Variants in KIF21A observed in about 807,000 individuals in gnomAD.
KIF21A encodes kinesin-like protein KIF21A.
Under a neutral mutation model 202.9 loss-of-function variants are expected in KIF21A, and 114 were observed. The observed-to-expected ratio is 0.56, with a 90% CI of 0.48 to 0.66. The LOEUF is 0.66. Among genes scored for constraint, KIF21A ranks in the 30% least tolerant of loss-of-function variants. The pLI is 0.00. For missense variants in KIF21A, 1,677 were observed against 1,994.9 expected (o/e 0.84, Z 3.04); for synonymous variants, 667 against 670.8 (o/e 0.99, Z 0.09).
intron 1 of KIF21A, among the ~76,000 whole-genome samples, chr12:39,436,469 G>T (rs1432420414): frequency 3.3e-5 from 3 of 92,190 alleles, no homozygotes; most frequent in East Asian, 3.9e-4. Flanking sequence ...TTTTAGACAG[G>T]GTTTCATGTT....
At chr12:39,368,103 A>G (rs1949720603) in intron 3 of KIF21A, 71 bp from the exon 4 acceptor site, 1 of 909,998 alleles carries the variant, frequency 1.1e-6, no homozygotes, top group Non-Finnish European at 1.8e-6. Context: ...AACACATTAC[A>G]TAATGATTCC....
intron 10 of KIF21A, among the ~76,000 whole-genome samples, chr12:39,355,550 G>A (rs970830099): frequency 4.0e-5 from 6 of 151,626 alleles, no homozygotes; most frequent in Non-Finnish European, 7.4e-5. Context: ...TGGGGTCAAC[G>A]AAATCAGGAA....
At chr12:39,393,657 AAACT>A (rs1272299615) in intron 1 of KIF21A, among the ~76,000 whole-genome samples, 1 of 152,234 alleles carries the variant, frequency 6.6e-6, no homozygotes, top group African/African-American at 2.4e-5. Flanking sequence ...AGTCAGTATT[AAACT>A]AACTGAGGCA....
At chr12:39,374,168 C>T (rs1334322650) in intron 1 of KIF21A, among the ~76,000 whole-genome samples, 1 of 152,164 alleles carries the variant, frequency 6.6e-6, no homozygotes, top group African/African-American at 2.4e-5. Flanking sequence ...AGCCAGTTCA[C>T]CTGCTTTATA....
chr12:39,307,739 TACAA>T lies in KIF21A; in HGVS notation c.4278-14_4278-11del. On this transcript the variant is annotated splice_polypyrimidine_tract_variant and intron_variant, in intron 33 of 37. Transcript: ENST00000361418. ...AACTTGACCTGAAGACCTTAAGAGA[TACAA>T]ACAAAGCAAAAAAGTCACACTTCTG... The T allele has an allele frequency of 6.2e-7, 1 of 1,613,258 alleles. No homozygotes were observed. The highest frequency in any genetic ancestry group is 8.5e-7 in the Non-Finnish European group (1 of 1,179,522).
intron 34 of KIF21A, among the ~76,000 whole-genome samples, chr12:39,305,243 G>C (rs1023170390): frequency 4.0e-5 from 6 of 151,696 alleles, no homozygotes; most frequent in African/African-American, 1.5e-4. Context: ...GTGGGTGCCT[G>C]TACTCCCAGC....
intron 1 of KIF21A, among the ~76,000 whole-genome samples, chr12:39,370,515 T>C (rs1488904509): frequency 6.6e-6 from 1 of 152,156 alleles, no homozygotes; most frequent in Non-Finnish European, 1.5e-5. Flanking sequence ...ATCTTAAAAT[T>C]AGATACTTAC....
chr12:39,304,653 C>A (rs980460521), intron 35 of KIF21A, among the ~76,000 whole-genome samples, 168 bp downstream of exon 35: 1 of 151,672 alleles, frequency 6.6e-6, no homozygotes, highest in East Asian at 1.9e-4. Flanking sequence ...CATGATTGAA[C>A]AATAAGACAA....
At chr12:39,384,693 T>G (rs1950831250) in intron 1 of KIF21A, among the ~76,000 whole-genome samples, 1 of 152,188 alleles carries the variant, frequency 6.6e-6, no homozygotes, top group Non-Finnish European at 1.5e-5. Flanking sequence ...TTTTACTATC[T>G]CACAGTGTCT....
intron 7 of KIF21A, 86 bp from the exon 8 acceptor site, chr12:39,358,459 T>C: frequency 1.6e-6 from 2 of 1,217,190 alleles, no homozygotes; most frequent in Non-Finnish European, 2.4e-6. Context: ...AACATTTGAA[T>C]AGTATCTTCT....
chr12:39,406,689 A>G (rs527737045), intron 1 of KIF21A, among the ~76,000 whole-genome samples: 37 of 152,166 alleles, frequency 2.4e-4, no homozygotes, highest in Non-Finnish European at 4.1e-4. Flanking sequence ...TGGCTTCACC[A>G]TGTTAATTCA....
At position 39,330,758 on chromosome 12, in the gene KIF21A, G is replaced by C; in HGVS notation, c.3307C>G (p.His1103Asp). Residue 1103 changes from histidine to aspartate, a missense_variant, in exon 23 of 38, where the codon CAT becomes GAT. Around this residue, in one of 3 missense-constraint regions of KIF21A, gnomAD observed 705 missense variants for 791.9 expected, o/e 0.89. Coordinates refer to ENST00000361418, the MANE Select transcript of KIF21A (RefSeq NM_001173464.2). ...GAGAGCAAATTACCTTGTAAAGCATGGCCTAGTAAAGCATCTAGCTCAGGA... is the reference window on the plus strand; with the variant it reads ...GAGAGCAAATTACCTTGTAAAGCATCGCCTAGTAAAGCATCTAGCTCAGGA... ...LNPELDALLG[H>D]ALQDLDSVPL... is the part of the protein sequence containing the mutation. 6.2e-7 allele frequency: 1 copy of C among 1,613,890 alleles called. No homozygotes were observed. Among genetic ancestry groups the C allele is most frequent in the Non-Finnish European group, 8.5e-7 (1 of 1,179,822 alleles).
chr12:39,362,526 G>A (rs1949313753), intron 7 of KIF21A, among the ~76,000 whole-genome samples: 1 of 151,828 alleles, frequency 6.6e-6, no homozygotes, highest in Admixed American at 6.6e-5. Context: ...AAACATATCA[G>A]AATGATGCAA....
intron 1 of KIF21A, among the ~76,000 whole-genome samples, chr12:39,418,193 A>T (rs941933010): frequency 7.2e-6 from 1 of 138,924 alleles, no homozygotes; most frequent in African/African-American, 2.7e-5. Context: ...GACCCTGACT[A>T]AAAAAAAAAA....
intron 28 of KIF21A, among the ~76,000 whole-genome samples, chr12:39,318,975 C>A (rs1944898420): frequency 6.8e-6 from 1 of 147,812 alleles, no homozygotes; most frequent in African/African-American, 2.5e-5. Flanking sequence ...AGCGAGACTC[C>A]GTCTCAAAAA....
intron 1 of KIF21A, among the ~76,000 whole-genome samples, chr12:39,416,932 A>C (rs1305803926): frequency 6.6e-6 from 1 of 150,432 alleles, no homozygotes; most frequent in Non-Finnish European, 1.5e-5. Flanking sequence ...TAAATAAAAA[A>C]ATTTTAAAAA....
intron 1 of KIF21A, among the ~76,000 whole-genome samples, chr12:39,389,211 C>CACAT (rs1320209457): frequency 6.0e-5 from 9 of 149,974 alleles, no homozygotes; most frequent in Non-Finnish European, 1.0e-4. Context: ...CACACACACA[C>CACAT]ATATATACAT....
At position 39,336,194 on chromosome 12, in the gene KIF21A, G is replaced by A. The variant is rs528582640; in HGVS notation, c.2418+902C>T. ...CTCAGTCTCTCAAAGTGCTGGCTGG[G>A]ATTACAAGCATGAGCCACTGCACCC... is the stretch of plus-strand genomic sequence containing the variant. On this transcript the variant is annotated intron_variant, in intron 17 of 37. Coordinates refer to ENST00000361418, the MANE Select transcript of KIF21A (RefSeq NM_001173464.2). Among the ~76,000 whole-genome samples, 11 of 151,784 alleles carry A rather than the reference G, an allele frequency of 7.2e-5. No individual in the cohort carries two copies. The South Asian group carries it at 2.1e-3, about 29-fold the overall frequency.
chr12:39,356,651 A>G (rs920805133), intron 10 of KIF21A, 181 bp downstream of exon 10: 4 of 468,970 alleles, frequency 8.5e-6, no homozygotes, highest in African/African-American at 6.0e-5. Context: ...GGAGGAAAAC[A>G]GCTTGGAATA....
Sources: gnomAD v4.1 joint callset for allele counts (sites outside exome capture counted in the v4.1 genomes callset) on GRCh38, gnomAD v4.1.1 for gene constraint, gnomAD v4.1.1 regional missense constraint, MANE v1.5 for transcripts, NCBI Gene and HGNC (gene_info 2026-07-23, HGNC 2026-07-21) for gene names.